The following SPAG1 variants were observed in gnomAD, a reference collection of about 807,000 sequenced individuals.
SPAG1 encodes the protein sperm-associated antigen 1.
SPAG1 carries 69 observed loss-of-function variants against 100.5 expected under a neutral mutation model. The observed-to-expected ratio is 0.69, with a 90% confidence interval of 0.57 to 0.84. The LOEUF (loss-of-function observed/expected upper bound fraction) is 0.84, where lower values mean the gene tolerates loss of function less well. Ranked by LOEUF, SPAG1 falls within the 40% of genes least tolerant of loss-of-function variation. The pLI is 0.00. For synonymous variants in SPAG1, 336 were observed against 411.6 expected, an observed-to-expected ratio of 0.82 and a Z score of 2.22; for missense variants, 955 against 1,133.1, an observed-to-expected ratio of 0.84 and a Z score of 2.26.
In SPAG1 at chr8:100,239,857, G is replaced by C. The variant is rs1179000027; in HGVS notation, c.2280+453G>C. On this transcript the variant is annotated intron_variant, in intron 17 of 18. Coordinates refer to ENST00000388798, the MANE Select transcript of SPAG1 (RefSeq NM_003114.5). The surrounding 1 kb of genome is among the most constrained non-coding windows in gnomAD (Gnocchi z 5.0). Reference sequence around the variant, plus strand: ...CATCAGAGATCTCGAACTACCTCAGGATCAAACTGCTTTTGTGATTCAGAT... The same window carrying C: ...CATCAGAGATCTCGAACTACCTCAGCATCAAACTGCTTTTGTGATTCAGAT... 6.6e-6 allele frequency among the ~76,000 whole-genome samples: 1 copy of C among 152,162 alleles called. No individual in the cohort carries two copies. The highest frequency in any genetic ancestry group is 1.5e-5 in the Non-Finnish European group (1 of 68,020).
chr8:100,190,482 CA>C (rs1188443811), intron 8 of SPAG1, among the ~76,000 whole-genome samples: 1 of 151,320 alleles, frequency 6.6e-6, no homozygotes, highest in Non-Finnish European at 1.5e-5. Flanking sequence ...GAAACGTACC[CA>C]AAAAATCAAA....
chr8:100,160,971 G>T (rs1268387006), intron 1 of SPAG1, among the ~76,000 whole-genome samples: 1 of 152,158 alleles, frequency 6.6e-6, no homozygotes, highest in Non-Finnish European at 1.5e-5. Context: ...GTCAATTGTT[G>T]TTATCAGGGA....
intron 13 of SPAG1, among the ~76,000 whole-genome samples, chr8:100,222,287 T>G (rs1818319093): frequency 6.6e-6 from 1 of 152,198 alleles, no homozygotes; most frequent in Non-Finnish European, 1.5e-5. Context: ...CCCTCTTTTA[T>G]TACCCAGCTT....
intron 16 of SPAG1, among the ~76,000 whole-genome samples, chr8:100,234,902 G>A (rs1818934565): frequency 6.6e-6 from 1 of 152,110 alleles, no homozygotes; most frequent in Non-Finnish European, 1.5e-5. Context: ...CAGATTTGGG[G>A]ACCTCATGGA....
intron 11 of SPAG1, 138 bp from the exon 12 acceptor site, chr8:100,213,681 C>A (rs995343471): frequency 3.0e-5 from 18 of 600,740 alleles, no homozygotes; most frequent in Non-Finnish European, 4.8e-5. Flanking sequence ...TTGCGGGTAG[C>A]AGCTCCGTGG....
chr8:100,208,803 A>T (rs989492131), intron 10 of SPAG1, among the ~76,000 whole-genome samples: 1 of 152,180 alleles, frequency 6.6e-6, no homozygotes, highest in Non-Finnish European at 1.5e-5. Context: ...TGGTTGTACA[A>T]AGGATAGTTG....
chr8:100,210,795 A>G (rs1350417478), intron 10 of SPAG1, among the ~76,000 whole-genome samples: 1 of 151,310 alleles, frequency 6.6e-6, no homozygotes, highest in Non-Finnish European at 1.5e-5. Context: ...TGCTAGGATT[A>G]TAGGGGTGAG....
intron 10 of SPAG1, among the ~76,000 whole-genome samples, chr8:100,199,078 A>G (rs1817154745): frequency 6.6e-6 from 1 of 152,198 alleles, no homozygotes; most frequent in South Asian, 2.1e-4. Context: ...GCTGTCATGA[A>G]CGCTCATGTA....
chr8:100,176,816 C>T (rs992525417), intron 3 of SPAG1, among the ~76,000 whole-genome samples: 1 of 145,478 alleles, frequency 6.9e-6, no homozygotes, highest in Non-Finnish European at 1.5e-5. Context: ...TCCCTCTCCT[C>T]TCCTCTCCTC....
intron 10 of SPAG1, among the ~76,000 whole-genome samples, chr8:100,200,605 C>T (rs1407011543): frequency 8.0e-4 from 119 of 148,892 alleles, no homozygotes; most frequent in African/African-American, 1.7e-3. Flanking sequence ...CTCTCCAGCA[C>T]CTGTTGTTTC....
At chr8:100,161,436 T>C (rs1815300486) in intron 1 of SPAG1, among the ~76,000 whole-genome samples, 1 of 152,190 alleles carries the variant, frequency 6.6e-6, no homozygotes, top group Admixed American at 6.5e-5. Flanking sequence ...TAACAATGAT[T>C]TCGGTACTGA....
rs1819165549 is a variant in SPAG1 at position 100,239,651 on chromosome 8, T to A, written c.2280+247T>A. Among the ~76,000 whole-genome samples the A allele has an allele frequency of 1.3e-5, 2 of 152,216 alleles. No individual in the cohort carries two copies. The highest frequency in any genetic ancestry group is 1.3e-4 in the Admixed American group (2 of 15,282). On this transcript the variant is annotated intron_variant, in intron 17 of 18. Coordinates refer to ENST00000388798, the MANE Select transcript of SPAG1 (RefSeq NM_003114.5). The surrounding 1 kb of genome is among the most constrained non-coding windows in gnomAD (Gnocchi z 5.0). ...ACTGCAGTTCTTCCTTTCTTTGGCC[T>A]CCATCTGTACTGCTCCCACTCCAGA...
intron 4 of SPAG1, among the ~76,000 whole-genome samples, chr8:100,179,204 G>A (rs1224493512): frequency 1.3e-5 from 2 of 152,054 alleles, no homozygotes; most frequent in African/African-American, 4.8e-5. Context: ...CCAACATGGT[G>A]AAACCCCATC....
At chr8:100,172,256 T>A (rs1815892738) in intron 3 of SPAG1, among the ~76,000 whole-genome samples, 1 of 152,148 alleles carries the variant, frequency 6.6e-6, no homozygotes, top group African/African-American at 2.4e-5. Flanking sequence ...GTTAGGAAGG[T>A]TTTCTCTCCA....
intron 12 of SPAG1, among the ~76,000 whole-genome samples, chr8:100,215,187 C>T (rs916719097): frequency 1.3e-5 from 2 of 151,614 alleles, no homozygotes; most frequent in Non-Finnish European, 2.9e-5. Context: ...CCCTTTCCAT[C>T]CTCTGGTGTC....
chr8:100,211,440 G>T (rs570372921), intron 10 of SPAG1, among the ~76,000 whole-genome samples: 30 of 152,306 alleles, frequency 2.0e-4, no homozygotes, highest in Non-Finnish European at 2.8e-4. Flanking sequence ...AGGACTGCTT[G>T]AGACCAGGAC....
At chr8:100,220,512 A>G (rs1289722047) in intron 13 of SPAG1, 81 bp downstream of exon 13, 3 of 1,156,678 alleles carry the variant, frequency 2.6e-6, no homozygotes, top group East Asian at 4.9e-5. Flanking sequence ...ACATGTCAAA[A>G]TATAGATGTG....
intron 8 of SPAG1, among the ~76,000 whole-genome samples, chr8:100,189,446 C>T (rs2132274773): frequency 6.6e-6 from 1 of 152,114 alleles, no homozygotes; most frequent in South Asian, 2.1e-4. Context: ...CACTGCACTC[C>T]AGCCTGGGCG....
At chr8:100,213,038 C>CCTCCGCGGG in intron 10 of SPAG1, 52 bp from the exon 11 acceptor site, 1 of 1,356,824 alleles carries the variant, frequency 7.4e-7, no homozygotes. Context: ...GCCTCCGCGG[C>CCTCCGCGGG]AACTGCTCCC....
Sources: allele counts gnomAD v4.1 joint callset (sites outside exome capture counted in the v4.1 genomes callset), GRCh38; gene constraint gnomAD v4.1.1; non-coding constraint Gnocchi (gnomAD v3.1); transcripts MANE v1.5; gene names NCBI Gene and HGNC (gene_info 2026-07-23, HGNC 2026-07-21).